SUPT16H: variants seen among roughly 807,000 people sequenced by gnomAD.
The protein encoded by SUPT16H is SPT16 homolog, facilitates chromatin remodeling subunit, also known as FACT complex subunit SPT16.
A neutral mutation model predicts 136.2 loss-of-function variants in SUPT16H; 24 were observed. The ratio of observed to expected loss-of-function variants is 0.18; its 90% CI spans 0.13 to 0.25. SUPT16H has a LOEUF of 0.25. SUPT16H is among the 10% of genes least tolerant of loss of function. The pLI is 1.00. For missense variants in SUPT16H, 623 were observed against 1,270.2 expected (o/e 0.49, Z 7.74); for synonymous variants, 415 against 428.2 (o/e 0.97, Z 0.38).
At position 21,373,449 on chromosome 14, in the gene SUPT16H, C is replaced by G; in HGVS notation, c.67-19G>C. Reference sequence around the variant, plus strand: ...CTCCTTTCTGAAAAGAGTGGGTAATCATCACTTAATTTTTCACACTAGCAA... The same window carrying G: ...CTCCTTTCTGAAAAGAGTGGGTAATGATCACTTAATTTTTCACACTAGCAA... On this transcript the variant is annotated intron_variant, in intron 1 of 25. Transcript: ENST00000216297. The G allele has an allele frequency of 6.3e-7, 1 of 1,581,588 alleles. No individual in the cohort carries two copies. The highest frequency in any genetic ancestry group is 1.1e-5 in the South Asian group (1 of 90,370).
At chr14:21,366,799 C>T (rs1338400694) in intron 7 of SUPT16H, among the ~76,000 whole-genome samples, 4 of 152,076 alleles carry the variant, frequency 2.6e-5, no homozygotes, top group Non-Finnish European at 5.9e-5. Flanking sequence ...TAGGCACACA[C>T]CACTATGCCC....
intron 6 of SUPT16H, 148 bp downstream of exon 6, chr14:21,369,056 T>C (rs983792962): frequency 3.7e-6 from 3 of 818,160 alleles, no homozygotes; most frequent in Non-Finnish European, 5.5e-6. Context: ...ACCTGGGTGA[T>C]GGACACCCAA....
At chr14:21,369,981 G>A in intron 4 of SUPT16H, 85 bp from the exon 5 acceptor site, 1 of 1,468,964 alleles carries the variant, frequency 6.8e-7, no homozygotes, top group Non-Finnish European at 9.4e-7. Context: ...TATTACCAGT[G>A]ATATTTCTGT....
In SUPT16H at chr14:21,371,908, C is replaced by T; in HGVS notation, c.296G>A (p.Gly99Glu). 1 of 1,614,094 alleles carries T rather than the reference C, an allele frequency of 6.2e-7. No homozygotes were observed. The highest frequency in any genetic ancestry group is 2.2e-5 in the East Asian group (1 of 44,868). The stretch of plus-strand genomic sequence containing the variant: ...TATTAGCAGTGTGATGGCAGGGGCT[C>T]CATTAGCATTCTCATTGCCCTTAGT... ...ANTKGNENAN[G>E]APAITLLIRE... The change falls in exon 3 of 26, where the codon GGA (glycine) becomes GAA (glutamate). Residue 99 changes from glycine to glutamate, a missense_variant. Gly to Glu is a moderately conservative substitution (Grantham distance 98, BLOSUM62 -2). Around this residue, in one of 7 missense-constraint regions of SUPT16H, gnomAD observed 343 missense variants for 525.7 expected, o/e 0.65. Transcript: ENST00000216297.
chr14:21,369,610 A>C, intron 5 of SUPT16H, 140 bp downstream of exon 5: 1 of 1,163,096 alleles, frequency 8.6e-7, no homozygotes, highest in South Asian at 1.5e-5. Flanking sequence ...ATTATTTTGA[A>C]AGGGAGATGA....
chr14:21,359,277 T>C (rs1886500657), intron 19 of SUPT16H, among the ~76,000 whole-genome samples: 2 of 151,934 alleles, frequency 1.3e-5, no homozygotes, highest in Non-Finnish European at 2.9e-5. Flanking sequence ...GTATTTTTAG[T>C]ACAGACAGGG....
chr14:21,356,110 C>G (rs751384807), intron 22 of SUPT16H, among the ~76,000 whole-genome samples: 3 of 152,244 alleles, frequency 2.0e-5, no homozygotes, highest in African/African-American at 7.2e-5. Context: ...GGAACTGAGA[C>G]AAAGTAGGAT....
intron 20 of SUPT16H, 155 bp from the exon 21 acceptor site, chr14:21,358,157 T>A (rs773246251): frequency 1.2e-6 from 1 of 807,444 alleles, no homozygotes; most frequent in Non-Finnish European, 2.0e-6. Context: ...GCCACTCACC[T>A]AAACCCTTAA....
chr14:21,372,688 A>G (rs769837259), intron 2 of SUPT16H: 1 of 454,552 alleles, frequency 2.2e-6, no homozygotes, highest in South Asian at 1.6e-5. Context: ...GGCAGAACAG[A>G]GAACTGGAAA....
At chr14:21,360,744 T>C (rs1886533272) in intron 17 of SUPT16H, 102 bp downstream of exon 17, 2 of 1,500,336 alleles carry the variant, frequency 1.3e-6, no homozygotes, top group South Asian at 2.6e-5. Context: ...CCAACTGAGC[T>C]AACCGGCGGA....
At chr14:21,358,136 C>T in intron 20 of SUPT16H, 134 bp from the exon 21 acceptor site, 3 of 883,210 alleles carry the variant, frequency 3.4e-6, no homozygotes, top group Non-Finnish European at 5.2e-6. Context: ...GAGGAAGCCT[C>T]TTAAGAGTTA....
chr14:21,383,649 G>A (rs1887096445), intron 1 of SUPT16H: 1 of 713,066 alleles, frequency 1.4e-6, no homozygotes, highest in Middle Eastern at 2.3e-4. Flanking sequence ...CGGGGAAGAT[G>A]GTGATGGCCG....
intron 23 of SUPT16H, among the ~76,000 whole-genome samples, 190 bp from the exon 24 acceptor site, chr14:21,354,022 A>T (rs1279797598): frequency 6.6e-6 from 1 of 152,238 alleles, no homozygotes; most frequent in East Asian, 1.9e-4. Context: ...TACTATTATT[A>T]TGTATTATTA....
At chr14:21,365,540 C>T (rs1177684416) in intron 8 of SUPT16H, among the ~76,000 whole-genome samples, 2 of 152,048 alleles carry the variant, frequency 1.3e-5, no homozygotes, top group Non-Finnish European at 2.9e-5. Flanking sequence ...AAACCAGATT[C>T]GTAAGACTTG....
chr14:21,364,907 C>A lies in SUPT16H; in HGVS notation c.1153G>T (p.Asp385Tyr). 1 of 1,613,878 alleles carries A rather than the reference C, an allele frequency of 6.2e-7. No individual in the cohort carries two copies. The highest frequency in any genetic ancestry group is 8.5e-7 in the Non-Finnish European group (1 of 1,180,030). Residue 385 changes from aspartate (D) to tyrosine (Y), a missense_variant, in exon 10 of 26, where the codon GAC becomes TAC. Transcript: ENST00000216297. ...TTTTTCCCCTCCTTGTTAGTCAGGT[C>A]TGAGAATCCTAAATTGATGCTGAAA... The part of the protein sequence containing the change: ...MVFSINLGFS[D>Y]LTNKEGKKPE...
intron 1 of SUPT16H, among the ~76,000 whole-genome samples, chr14:21,380,959 A>C (rs907854069): frequency 6.6e-6 from 1 of 151,460 alleles, no homozygotes; most frequent in African/African-American, 2.4e-5. Context: ...TAAGAGGACA[A>C]AGAAACATGC....
At chr14:21,357,566 A>G (rs1886461774) in intron 21 of SUPT16H, among the ~76,000 whole-genome samples, 200 bp from the exon 22 acceptor site, 1 of 152,128 alleles carries the variant, frequency 6.6e-6, no homozygotes, top group African/African-American at 2.4e-5. Context: ...TCATCCCTCA[A>G]GGAGAATAAA....
In SUPT16H at chr14:21,359,559, T is replaced by G; in HGVS notation, c.2226A>C (p.Thr742=). The part of the protein sequence containing the change: ...KKRHTDVQFY[T]EVGEITTDLG... Reference sequence around the variant, plus strand: ...AGTCCGTGGTTATCTCTCCCACTTCTGTGTAGAACTGCACATCCGTGTGCC... The same window carrying G: ...AGTCCGTGGTTATCTCTCCCACTTCGGTGTAGAACTGCACATCCGTGTGCC... Residue 742 remains threonine (T), a synonymous_variant, in exon 19 of 26, where the codon ACA becomes ACC. Coordinates refer to ENST00000216297, the MANE Select transcript of SUPT16H (RefSeq NM_007192.4). 1 of 1,614,234 alleles carries G rather than the reference T, an allele frequency of 6.2e-7. No individual in the cohort carries two copies. The highest frequency in any genetic ancestry group is 8.5e-7 in the Non-Finnish European group (1 of 1,180,044).
chr14:21,361,217 C>A lies in SUPT16H; in HGVS notation c.1794-4G>T, dbSNP rs768802408. 5.6e-6 allele frequency: 9 copies of A among 1,611,982 alleles called. No individual in the cohort carries two copies. The Admixed American group carries it at 1.3e-4, about 24-fold the overall frequency. The stretch of plus-strand genomic sequence containing the variant: ...AATATTTGATGCTCGGTATGTACTG[C>A]AGAAAAGCAACAGCATTTATAGACA... On this transcript the variant is annotated splice_region_variant and splice_polypyrimidine_tract_variant and intron_variant, in intron 15 of 25. Coordinates refer to ENST00000216297, the MANE Select transcript of SUPT16H (RefSeq NM_007192.4).
Sources: gnomAD v4.1 joint callset for allele counts (sites outside exome capture counted in the v4.1 genomes callset) on GRCh38, gnomAD v4.1.1 for gene constraint, gnomAD v4.1.1 regional missense constraint, MANE v1.5 for transcripts, NCBI Gene and HGNC (gene_info 2026-07-23, HGNC 2026-07-21) for gene names.